Variants in KLHL42 observed in about 807,000 individuals in gnomAD.
KLHL42 encodes kelch like family member 42.
KLHL42 carries 27 observed loss-of-function variants against 32.7 expected under a neutral mutation model. The ratio of observed to expected loss-of-function variants is 0.83; its 90% CI spans 0.61 to 1.14. The LOEUF (loss-of-function observed/expected upper bound fraction) is 1.14, where lower values mean the gene tolerates loss of function less well. KLHL42 is among the 50% of genes most tolerant of loss of function. The pLI is 0.00. For missense variants in KLHL42, 491 were observed against 560.8 expected (o/e 0.88, Z 1.26); for synonymous variants, 267 against 248.2 (o/e 1.08, Z -0.71).
rs1029751284 is a variant in KLHL42 at position 27,801,963 on chromosome 12, G to A, written c.*3797G>A. On this transcript the variant is annotated 3_prime_UTR_variant, in exon 3 of 3. Coordinates refer to ENST00000381271, the MANE Select transcript of KLHL42 (RefSeq NM_020782.2). ...TCACTGTAATTGTCTTCACCAGGGCGTCCTTCTCAAAGATGCCCACTTTTG... is the reference window on the plus strand; with the variant it reads ...TCACTGTAATTGTCTTCACCAGGGCATCCTTCTCAAAGATGCCCACTTTTG... 5 of 151,954 alleles carry A rather than the reference G, an allele frequency of 3.3e-5. No individual in the cohort carries two copies. Among genetic ancestry groups the A allele is most frequent in the East Asian group, 1.9e-4 (1 of 5,178 alleles). The allele number at this position is 151,954 out of a possible 1,614,324, so 9.4% of individuals were successfully genotyped here. A position where few individuals can be genotyped will look rare whatever the true frequency, so the allele number is the denominator to read the frequency against.
Position 27,780,767 on chromosome 12 carries a change from A to T in KLHL42, c.437A>T (p.Gln146Leu), listed in dbSNP as rs746135906. ...LAQVYGLPDL[Q>L]EACLRFMVVH... ...CAGGTGTACGGGCTGCCCGACCTGC[A>T]GGAGGCCTGCCTGCGCTTCATGGTC... The change falls in exon 1 of 3, where the codon CAG becomes CTG. Residue 146 changes from glutamine to leucine, a missense_variant. This residue lies in a region of KLHL42 where 248 missense variants were observed against 329.2 expected (regional missense o/e 0.75). Coordinates refer to ENST00000381271, the MANE Select transcript of KLHL42 (RefSeq NM_020782.2). This position sits in a 1 kb window ranked among gnomAD's most constrained non-coding sequence, Gnocchi z 8.8. 2.5e-6 allele frequency: 4 copies of T among 1,613,116 alleles called. No homozygotes were observed. Among genetic ancestry groups the T allele is most frequent in the Non-Finnish European group, 3.4e-6 (4 of 1,180,006 alleles).
Position 27,781,143 on chromosome 12 carries a change from G to C in KLHL42, c.813G>C (p.Ala271=), listed in dbSNP as rs1388561642. ...TCACTAGCCAGGAGATCTCCGCTGCGCATTCCTACAACCCCAGCACCAACG... is the reference window on the plus strand; with the variant it reads ...TCACTAGCCAGGAGATCTCCGCTGCCCATTCCTACAACCCCAGCACCAACG... ...YRITSQEISA[A]HSYNPSTNEW... Residue 271 remains alanine, a synonymous_variant, in exon 1 of 3, where the codon GCG becomes GCC. Transcript: ENST00000381271. 1 of 1,614,028 alleles carries C rather than the reference G, an allele frequency of 6.2e-7. No homozygotes were observed. The highest frequency in any genetic ancestry group is 1.1e-5 in the South Asian group (1 of 91,070).
At chr12:27,797,144 A>C (rs927533633) in intron 2 of KLHL42, 41 of 414,660 alleles carry the variant, frequency 9.9e-5, no homozygotes, top group East Asian at 5.0e-4. Flanking sequence ...CAAAAAAAAA[A>C]CTGGAAACTG....
chr12:27,795,729 A>G (rs529162496), intron 2 of KLHL42, among the ~76,000 whole-genome samples: 1 of 152,352 alleles, frequency 6.6e-6, no homozygotes, highest in South Asian at 2.1e-4. Flanking sequence ...TAGCTATTTG[A>G]TTATTTTAAT....
intron 1 of KLHL42, among the ~76,000 whole-genome samples, chr12:27,783,234 TATC>T (rs2062156488): frequency 6.6e-6 from 1 of 152,106 alleles, no homozygotes; most frequent in African/African-American, 2.4e-5. Context: ...GGATCATCCT[TATC>T]ATCTTGACGC....
rs145908611 is a variant in KLHL42 at position 27,797,836 on chromosome 12, G to C, written c.1188G>C (p.Val396=). 8 of 777,874 alleles carry C rather than the reference G, an allele frequency of 1.0e-5. No individual in the cohort carries two copies. Among genetic ancestry groups the C allele is most frequent in the South Asian group, 5.4e-5 (4 of 74,444 alleles). 48.2% of individuals were successfully genotyped at this position (777,874 alleles called of 1,614,324 possible). A position where few individuals can be genotyped will look rare whatever the true frequency, so the allele number is the denominator to read the frequency against. Residue 396 remains valine (V), a synonymous_variant, in exon 3 of 3, where the codon GTG becomes GTC. Coordinates refer to ENST00000381271, the MANE Select transcript of KLHL42 (RefSeq NM_020782.2). ...CTGTGGAAGAGACCATCTACATCGT[G>C]GGGGGGTGTCTCCACGAGCTGGGGC... The part of the protein sequence containing the change: ...MVSVEETIYI[V]GGCLHELGPN...
chr12:27,795,472 G>A (rs2062214495), intron 2 of KLHL42, among the ~76,000 whole-genome samples: 1 of 152,124 alleles, frequency 6.6e-6, no homozygotes. Flanking sequence ...GATGTGGATG[G>A]ATGGCTATTT....
intron 1 of KLHL42, 108 bp from the exon 2 acceptor site, chr12:27,791,600 G>C: frequency 1.0e-6 from 1 of 964,340 alleles, no homozygotes; most frequent in South Asian, 1.5e-5. Flanking sequence ...CCAACTGGGA[G>C]AGCGAATTTT....
At chr12:27,788,245 T>C (rs1315522846) in intron 1 of KLHL42, 1 of 152,216 alleles carries the variant, frequency 6.6e-6, no homozygotes, top group African/African-American at 2.4e-5. Context: ...GGGGTCATAA[T>C]GATGGTTTTC....
chr12:27,794,717 T>C (rs2062211494), intron 2 of KLHL42, among the ~76,000 whole-genome samples: 1 of 152,150 alleles, frequency 6.6e-6, no homozygotes, highest in South Asian at 2.1e-4. Flanking sequence ...GAATTTGACA[T>C]ATCTTGTTAG....
Position 27,798,062 on chromosome 12 carries a change from TACA to T in KLHL42, c.1418_1420del (p.Asn473del). Reference sequence around the variant, plus strand: ...CTTGGAACACCGAGTGTTCCTCAAGTACAACATCTTTTCAGATAGTTGGGAAGC... The same window carrying T: ...CTTGGAACACCGAGTGTTCCTCAAGTACATCTTTTCAGATAGTTGGGAAGC... On this transcript the variant is annotated inframe_deletion, in exon 3 of 3. Transcript: ENST00000381271. 1 of 781,120 alleles carries T rather than the reference TACA, an allele frequency of 1.3e-6. No individual in the cohort carries two copies. Among genetic ancestry groups the T allele is most frequent in the Non-Finnish European group, 2.4e-6 (1 of 418,140 alleles). The allele number at this position is 781,120 out of a possible 1,614,324, so 48.4% of individuals were successfully genotyped here. A position where few individuals can be genotyped will look rare whatever the true frequency, so the allele number is the denominator to read the frequency against.
intron 2 of KLHL42, among the ~76,000 whole-genome samples, chr12:27,792,580 G>C (rs2062202017): frequency 6.6e-6 from 1 of 152,188 alleles, no homozygotes; most frequent in Non-Finnish European, 1.5e-5. Flanking sequence ...CTGGAGTGCA[G>C]TGGCGTGATC....
rs2062254799 is a variant in KLHL42, at chr12:27,802,913, T to C, written c.*4747T>C. On this transcript the variant is annotated 3_prime_UTR_variant, in exon 3 of 3. Coordinates refer to ENST00000381271, the MANE Select transcript of KLHL42 (RefSeq NM_020782.2). ...TTAAGTCTTCAATTTCAAGTCTAGC[T>C]TAAAAGTGTAAACATTATGTGATTC... 1 of 152,228 alleles carries C rather than the reference T, an allele frequency of 6.6e-6. No homozygotes were observed. Among genetic ancestry groups the C allele is most frequent in the South Asian group, 2.1e-4 (1 of 4,832 alleles). 9.4% of individuals were successfully genotyped at this position (152,228 alleles called of 1,614,324 possible). A position where few individuals can be genotyped will look rare whatever the true frequency, so the allele number is the denominator to read the frequency against.
chr12:27,784,941 A>G (rs1242698576), intron 1 of KLHL42, among the ~76,000 whole-genome samples: 1 of 152,144 alleles, frequency 6.6e-6, no homozygotes, highest in African/African-American at 2.4e-5. Flanking sequence ...GAGAAGTTCT[A>G]TGTGTGAATA....
intron 1 of KLHL42, among the ~76,000 whole-genome samples, chr12:27,784,494 G>A (rs949368659): frequency 1.3e-5 from 2 of 152,036 alleles, no homozygotes; most frequent in Non-Finnish European, 2.9e-5. Context: ...CACGCTTGTA[G>A]TCCCAGCTAC....
rs184332293 is a variant in KLHL42, at chr12:27,789,204, C to G, written c.873-2504C>G. 2.0e-4 allele frequency among the ~76,000 whole-genome samples: 30 copies of G among 152,324 alleles called. No individual in the cohort carries two copies. In the South Asian group the frequency reaches 3.1e-3, roughly 16 times the overall value. On this transcript the variant is annotated intron_variant, in intron 1 of 2. Transcript: ENST00000381271. ...TCTGCAAGTGCTGTCCTTTTCAGCT[C>G]TTACTGCATGCCAGATATTGTGCCC...
At chr12:27,783,999 T>C (rs1281975317) in intron 1 of KLHL42, among the ~76,000 whole-genome samples, 2 of 152,198 alleles carry the variant, frequency 1.3e-5, no homozygotes, top group African/African-American at 4.8e-5. Flanking sequence ...ATTGGATGTT[T>C]CAATAAGCAC....
chr12:27,793,919 T>G (rs905531242), intron 2 of KLHL42, among the ~76,000 whole-genome samples: 1 of 152,196 alleles, frequency 6.6e-6, no homozygotes, highest in Non-Finnish European at 1.5e-5. Flanking sequence ...CCATGGGAAC[T>G]TCCCAAAGGA....
chr12:27,786,699 G>A (rs548266982), intron 1 of KLHL42, among the ~76,000 whole-genome samples: 4 of 149,504 alleles, frequency 2.7e-5, no homozygotes, highest in African/African-American at 9.9e-5. Context: ...TTAAATAGCA[G>A]GAACTCTGGG....
Sources: gnomAD v4.1 joint callset for allele counts (sites outside exome capture counted in the v4.1 genomes callset) on GRCh38, gnomAD v4.1.1 for gene constraint, gnomAD v4.1.1 regional missense constraint, Gnocchi (gnomAD v3.1) non-coding constraint, MANE v1.5 for transcripts, NCBI Gene and HGNC (gene_info 2026-07-23, HGNC 2026-07-21) for gene names.